PARD3B: variants seen among roughly 807,000 people sequenced by gnomAD.
The protein encoded by PARD3B is partitioning defective 3 homolog B.
In PARD3B, 103 loss-of-function variants were observed where a neutral mutation model predicts 130.2. The ratio of observed to expected loss-of-function variants is 0.79; its 90% CI spans 0.67 to 0.93. The LOEUF (loss-of-function observed/expected upper bound fraction) is 0.93, where lower values mean the gene tolerates loss of function less well. PARD3B is among the 40% of genes least tolerant of loss of function. The probability of loss-of-function intolerance (pLI) is 0.00; values close to 1 mark genes in which losing one functional copy is unlikely to be tolerated. For synonymous variants in PARD3B, 583 were observed against 553.2 expected, an observed-to-expected ratio of 1.05 and a Z score of -0.76; for missense variants, 1,609 against 1,499.2, an observed-to-expected ratio of 1.07 and a Z score of -1.21.
intron 22 of PARD3B, among the ~76,000 whole-genome samples, chr2:205,586,193 A>G (rs17536197): frequency 6.6e-6 from 1 of 152,188 alleles, no homozygotes; most frequent in African/African-American, 2.4e-5. Context: ...TTGAATGGCA[A>G]TGCTGTTGTA....
intron 21 of PARD3B, among the ~76,000 whole-genome samples, chr2:205,510,413 A>C (rs1338603267): frequency 1.3e-5 from 2 of 152,198 alleles, no homozygotes; most frequent in East Asian, 3.9e-4. Flanking sequence ...CAAAGCCTTG[A>C]GGGTGGCCTT....
At chr2:205,324,977 C>T (rs1398070068) in intron 18 of PARD3B, among the ~76,000 whole-genome samples, 1 of 152,128 alleles carries the variant, frequency 6.6e-6, no homozygotes, top group African/African-American at 2.4e-5. Flanking sequence ...CTGTGAAGAC[C>T]AATCCATCAA....
At chr2:204,766,237 A>G (rs1195605566) in intron 2 of PARD3B, among the ~76,000 whole-genome samples, 5 of 152,128 alleles carry the variant, frequency 3.3e-5, no homozygotes, top group Non-Finnish European at 1.5e-5. Context: ...TCCAAATCTC[A>G]CTGATTGATT....
chr2:205,210,446 A>G (rs1406867399), intron 15 of PARD3B, among the ~76,000 whole-genome samples: 1 of 152,114 alleles, frequency 6.6e-6, no homozygotes, highest in Non-Finnish European at 1.5e-5. Flanking sequence ...ACTCTGGAAT[A>G]AATGTAGCGT....
At chr2:204,593,740 A>G (rs1049788471) in intron 1 of PARD3B, among the ~76,000 whole-genome samples, 1 of 152,038 alleles carries the variant, frequency 6.6e-6, no homozygotes, top group Admixed American at 6.6e-5. Context: ...GTCAAACTTC[A>G]CTCCAGGTCC....
chr2:205,363,913 C>T (rs1486701209), intron 18 of PARD3B, among the ~76,000 whole-genome samples: 1 of 150,380 alleles, frequency 6.6e-6, no homozygotes, highest in Admixed American at 6.6e-5. Flanking sequence ...GTGATCCACC[C>T]GCCTCGGCCT....
At chr2:205,399,079 G>T (rs764984647) in intron 18 of PARD3B, among the ~76,000 whole-genome samples, 7 of 151,974 alleles carry the variant, frequency 4.6e-5, no homozygotes, top group Non-Finnish European at 1.0e-4. Context: ...GACCAGCCTG[G>T]CCAACATGGT....
At chr2:204,703,391 A>G (rs2037986395) in intron 2 of PARD3B, among the ~76,000 whole-genome samples, 1 of 152,234 alleles carries the variant, frequency 6.6e-6, no homozygotes, top group Non-Finnish European at 1.5e-5. Context: ...TTCTTGTTAA[A>G]GAGATGGGAA....
At chr2:205,033,724 T>A (rs2125368266) in intron 3 of PARD3B, among the ~76,000 whole-genome samples, 1 of 152,350 alleles carries the variant, frequency 6.6e-6, no homozygotes, top group Non-Finnish European at 1.5e-5. Flanking sequence ...ACAGAATCTT[T>A]TCAGGTGAAC....
chr2:204,628,995 A>T (rs1191671498), intron 1 of PARD3B, among the ~76,000 whole-genome samples: 1 of 152,184 alleles, frequency 6.6e-6, no homozygotes, highest in Admixed American at 6.6e-5. Flanking sequence ...GTCAGTTAAT[A>T]CATGTTATTT....
intron 18 of PARD3B, among the ~76,000 whole-genome samples, chr2:205,358,901 A>T (rs1421323559): frequency 6.6e-6 from 1 of 152,150 alleles, no homozygotes; most frequent in African/African-American, 2.4e-5. Context: ...GACCCTGGTC[A>T]TGGGGCCGTA....
intron 2 of PARD3B, among the ~76,000 whole-genome samples, chr2:204,874,508 A>C (rs201599149): frequency 1.3e-5 from 2 of 152,218 alleles, no homozygotes; most frequent in African/African-American, 4.8e-5. Flanking sequence ...TGTAACATTT[A>C]TATTTCTTAG....
chr2:205,465,208 A>C (rs1454271692), intron 20 of PARD3B, among the ~76,000 whole-genome samples: 1 of 152,210 alleles, frequency 6.6e-6, no homozygotes, highest in East Asian at 1.9e-4. Context: ...AATTATTAAA[A>C]ACAACTAACA....
intron 16 of PARD3B, among the ~76,000 whole-genome samples, chr2:205,266,460 C>T (rs1559603574): frequency 6.6e-6 from 1 of 152,142 alleles, no homozygotes; most frequent in Non-Finnish European, 1.5e-5. Context: ...TAATTGGAGT[C>T]ATAGCAACTT....
chr2:204,705,640 A>G (rs1014345466), intron 2 of PARD3B, among the ~76,000 whole-genome samples: 3 of 152,216 alleles, frequency 2.0e-5, no homozygotes, highest in Non-Finnish European at 1.5e-5. Context: ...TCTGTTAAAT[A>G]TCATCTGTCA....
intron 15 of PARD3B, among the ~76,000 whole-genome samples, chr2:205,222,751 T>C (rs2038309635): frequency 6.6e-6 from 1 of 152,142 alleles, no homozygotes; most frequent in Non-Finnish European, 1.5e-5. Flanking sequence ...TGAAAGCTTT[T>C]ACAATTTGAG....
chr2:205,387,912 G>C (rs1375569893), intron 18 of PARD3B, among the ~76,000 whole-genome samples: 1 of 152,126 alleles, frequency 6.6e-6, no homozygotes, highest in Non-Finnish European at 1.5e-5. Context: ...AATGCATTAT[G>C]GCAGATTATG....
chr2:204,988,075 G>A (rs1693330883), intron 3 of PARD3B, among the ~76,000 whole-genome samples: 2 of 151,924 alleles, frequency 1.3e-5, no homozygotes, highest in Admixed American at 1.3e-4. Context: ...GGAGGATGAG[G>A]GCATGAAGGG....
At chr2:205,444,232 C>T (rs2047827106) in intron 20 of PARD3B, among the ~76,000 whole-genome samples, 1 of 152,194 alleles carries the variant, frequency 6.6e-6, no homozygotes, top group Admixed American at 6.5e-5. Flanking sequence ...ATCTGCCCCC[C>T]TTGGCCTCCC....
Sources: gnomAD v4.1 joint callset for allele counts (sites outside exome capture counted in the v4.1 genomes callset) on GRCh38, gnomAD v4.1.1 for gene constraint, MANE v1.5 for transcripts, NCBI Gene and HGNC (gene_info 2026-07-23, HGNC 2026-07-21) for gene names.